The following C9orf85 variants were observed in gnomAD, a reference collection of about 807,000 sequenced individuals.
C9orf85 encodes chromosome 9 open reading frame 85.
Under a neutral mutation model 14.9 loss-of-function variants are expected in C9orf85, and 16 were observed. The observed-to-expected ratio is 1.08, with a 90% CI of 0.73 to 1.63. The LOEUF (loss-of-function observed/expected upper bound fraction) is 1.63. C9orf85 is among the 40% of genes most tolerant of loss of function. The pLI is 0.00. For missense variants in C9orf85, 172 were observed against 186.1 expected (o/e 0.92, Z 0.44); for synonymous variants, 45 against 56.8 (o/e 0.79, Z 0.93).
exon 4 of C9orf85, chr9:71,982,848 C>G (rs1589279667): frequency 3.4e-6 from 1 of 290,492 alleles, no homozygotes; most frequent in Admixed American, 5.1e-5. Flanking sequence ...GTTGGCCAGG[C>G]CGGTCTCGAA....
chr9:71,918,388 A>G, intron 1 of C9orf85: 4 of 1,229,140 alleles, frequency 3.3e-6, no homozygotes, highest in Non-Finnish European at 4.3e-6. Context: ...AAGTCACAAT[A>G]ATTCTAATTG....
intron 2 of C9orf85, among the ~76,000 whole-genome samples, chr9:71,955,959 G>A (rs1822369991): frequency 6.6e-6 from 1 of 151,994 alleles, no homozygotes; most frequent in Non-Finnish European, 1.5e-5. Context: ...ACTTTGACTT[G>A]CCTCCATTTT....
intron 2 of C9orf85, among the ~76,000 whole-genome samples, chr9:71,964,768 C>T (rs762680688): frequency 1.3e-5 from 2 of 152,228 alleles, no homozygotes; most frequent in Non-Finnish European, 2.9e-5. Flanking sequence ...ACCTGGGGTG[C>T]TTGGCCTCAC....
At position 71,982,974 on chromosome 9, in the gene C9orf85, ATCTTTTCTTT is replaced by A. The variant is rs778865297; in HGVS notation, c.*113_*122del. The A allele has an allele frequency of 7.8e-5, 12 of 154,468 alleles. No individual in the cohort carries two copies. The South Asian group carries it at 2.0e-3, about 26-fold the overall frequency. 9.6% of individuals were successfully genotyped at this position (154,468 alleles called of 1,614,324 possible). A position where few individuals can be genotyped will look rare whatever the true frequency, so the allele number is the denominator to read the frequency against. On this transcript the variant is annotated 3_prime_UTR_variant, in exon 4 of 4. Coordinates refer to the C9orf85 transcript ENST00000377031. ...TAATGACTCATGATGTTGACTGAGC[ATCTTTTCTTT>A]TCTTTTCTTTTTTTTTTTCCTTGTT...
chr9:71,963,031 G>C (rs1822563865), intron 2 of C9orf85, among the ~76,000 whole-genome samples: 1 of 152,098 alleles, frequency 6.6e-6, no homozygotes. Context: ...ACTCCAGCAT[G>C]GGGGACAAGA....
downstream of C9orf85, among the ~76,000 whole-genome samples, chr9:71,976,677 A>AT (rs200929581): frequency 6.6e-6 from 1 of 150,384 alleles, no homozygotes; most frequent in South Asian, 2.1e-4. Flanking sequence ...AAAAAAAAAA[A>AT]TTCTTATTCC....
At chr9:71,932,347 C>T (rs1828090489) in intron 1 of C9orf85, among the ~76,000 whole-genome samples, 1 of 152,100 alleles carries the variant, frequency 6.6e-6, no homozygotes, top group Non-Finnish European at 1.5e-5. Context: ...TAGTGCACTC[C>T]CCATCCCTTA....
chr9:71,925,097 C>A (rs1307268904), intron 1 of C9orf85, among the ~76,000 whole-genome samples: 2 of 152,158 alleles, frequency 1.3e-5, no homozygotes, highest in East Asian at 3.8e-4. Flanking sequence ...GTAGTTAATT[C>A]TAATTTTAAT....
chr9:71,928,186 C>CAAAAAAAAAAAAAAAAA (rs58238164), intron 1 of C9orf85, among the ~76,000 whole-genome samples: 2 of 74,286 alleles, frequency 2.7e-5, no homozygotes, highest in Admixed American at 1.6e-4. Flanking sequence ...GGCTCTGTCT[C>CAAAAAAAAAAAAAAAAA]AAAAAAAAAA....
intron 2 of C9orf85, among the ~76,000 whole-genome samples, chr9:71,954,867 C>G (rs1403489219): frequency 6.6e-6 from 1 of 152,158 alleles, no homozygotes; most frequent in East Asian, 1.9e-4. Flanking sequence ...TGGAGTTGCT[C>G]TGGTTCACAC....
chr9:71,936,608 C>T (rs138920611), intron 1 of C9orf85, among the ~76,000 whole-genome samples: 227 of 152,134 alleles, frequency 1.5e-3, no homozygotes, highest in Middle Eastern at 6.8e-3. Flanking sequence ...TTATTATTTA[C>T]TACGAGTGAC....
chr9:71,967,365 A>G (rs963069360), intron 2 of C9orf85, among the ~76,000 whole-genome samples: 1 of 152,110 alleles, frequency 6.6e-6, no homozygotes, highest in African/African-American at 2.4e-5. Context: ...TCTTTATTCC[A>G]TTGATCTGTG....
intron 1 of C9orf85, among the ~76,000 whole-genome samples, chr9:71,918,072 A>G (rs954062316): frequency 1.3e-5 from 2 of 152,044 alleles, no homozygotes; most frequent in Non-Finnish European, 2.9e-5. Flanking sequence ...AATCCCAGCT[A>G]TTTGGGAGGC....
intron 2 of C9orf85, among the ~76,000 whole-genome samples, chr9:71,963,915 G>A (rs1822604613): frequency 6.6e-6 from 1 of 152,206 alleles, no homozygotes; most frequent in Non-Finnish European, 1.5e-5. Flanking sequence ...CAAGGGCTGA[G>A]GAGTGCGGGC....
intron 1 of C9orf85, among the ~76,000 whole-genome samples, chr9:71,926,712 A>G (rs1277272587): frequency 6.6e-6 from 1 of 152,046 alleles, no homozygotes; most frequent in African/African-American, 2.4e-5. Context: ...AAACATCTTA[A>G]TAGAAAGGCT....
At chr9:71,913,977 GACAAA>G (rs1827582378) in intron 1 of C9orf85, among the ~76,000 whole-genome samples, 2 of 152,120 alleles carry the variant, frequency 1.3e-5, no homozygotes, top group African/African-American at 4.8e-5. Flanking sequence ...TGAAGGTTCT[GACAAA>G]AACAACACAA....
chr9:71,966,564 CAAGG>C (rs1822696475), intron 2 of C9orf85, among the ~76,000 whole-genome samples: 1 of 152,006 alleles, frequency 6.6e-6, no homozygotes, highest in Non-Finnish European at 1.5e-5. Context: ...CATAGATTAA[CAAGG>C]GAAAAGGATG....
intron 1 of C9orf85, among the ~76,000 whole-genome samples, chr9:71,912,636 C>G (rs1196010523): frequency 1.3e-5 from 2 of 151,960 alleles, no homozygotes; most frequent in Non-Finnish European, 2.9e-5. Context: ...AATCTCAGCA[C>G]TTTGGGAGGC....
chr9:71,912,463 G>A (rs1253799035), intron 1 of C9orf85, among the ~76,000 whole-genome samples: 1 of 152,148 alleles, frequency 6.6e-6, no homozygotes, highest in Non-Finnish European at 1.5e-5. Flanking sequence ...CTAATTTGCA[G>A]GCCGGGCGCC....
Sources: allele counts gnomAD v4.1 joint callset (sites outside exome capture counted in the v4.1 genomes callset), GRCh38; gene constraint gnomAD v4.1.1; transcripts MANE v1.5; gene names NCBI Gene and HGNC (gene_info 2026-07-23, HGNC 2026-07-21).